The following PRIM2 variants were observed in gnomAD, a reference collection of about 807,000 sequenced individuals.
The protein encoded by PRIM2 is DNA primase large subunit.
In PRIM2, 39 loss-of-function variants were observed where a neutral mutation model predicts 67.3. The ratio of observed to expected loss-of-function variants is 0.58; its 90% CI spans 0.45 to 0.76. PRIM2 has a LOEUF of 0.76. Ranked by LOEUF, PRIM2 falls within the 30% of genes least tolerant of loss-of-function variation. The pLI is 0.00. For synonymous variants in PRIM2, 143 were observed against 198.7 expected, an observed-to-expected ratio of 0.72 and a Z score of 2.36; for missense variants, 398 against 598.7, an observed-to-expected ratio of 0.66 and a Z score of 3.50.
At chr6:57,582,944 C>G (rs1393946942) in intron 10 of PRIM2, among the ~76,000 whole-genome samples, 1 of 88,394 alleles carries the variant, frequency 1.1e-5, no homozygotes, top group Non-Finnish European at 2.2e-5. Context: ...CCCCTCCCCC[C>G]ACCCCACAAC....
chr6:57,625,673 T>G (rs1776938103), intron 12 of PRIM2, among the ~76,000 whole-genome samples: 1 of 152,178 alleles, frequency 6.6e-6, no homozygotes, highest in African/African-American at 2.4e-5. Context: ...GATGAAGGCT[T>G]CAAAAATGGA....
At position 57,646,619 on chromosome 6, in the gene PRIM2, CTT is replaced by C. The variant is rs1777339867; in HGVS notation, c.*463_*464del. 1 of 152,616 alleles carries C rather than the reference CTT, an allele frequency of 6.6e-6. No individual in the cohort carries two copies. Among genetic ancestry groups the C allele is most frequent in the Non-Finnish European group, 1.5e-5 (1 of 68,566 alleles). The allele number at this position is 152,616 out of a possible 1,614,324, so 9.5% of individuals were successfully genotyped here. On this transcript the variant is annotated 3_prime_UTR_variant, in exon 14 of 14. Transcript: ENST00000615550. ...AGGAGGTTTGAGGTAACAACAGAGA[CTT>C]TCACTATATTTTGCTTTGACAGAAG...
At chr6:57,340,762 C>T (rs894079593) in intron 5 of PRIM2, among the ~76,000 whole-genome samples, 3 of 152,056 alleles carry the variant, frequency 2.0e-5, no homozygotes, top group Non-Finnish European at 2.9e-5. Flanking sequence ...TGCTAAATGA[C>T]GAGTTAGTGG....
intron 7 of PRIM2, among the ~76,000 whole-genome samples, chr6:57,440,461 T>A (rs1233195184): frequency 2.0e-5 from 3 of 152,176 alleles, no homozygotes; most frequent in Non-Finnish European, 4.4e-5. Flanking sequence ...AAGAGAGACA[T>A]ATATTAAAAA....
the PRIM2 span, among the ~76,000 whole-genome samples, chr6:57,231,469 C>A: frequency 1.3e-5 from 2 of 152,214 alleles, no homozygotes; most frequent in East Asian, 3.9e-4. Context: ...GGCTAAATTT[C>A]TTTAATATAC....
intron 10 of PRIM2, among the ~76,000 whole-genome samples, chr6:57,588,774 T>C (rs1776238158): frequency 6.6e-6 from 1 of 152,202 alleles, no homozygotes; most frequent in African/African-American, 2.4e-5. Context: ...CGTGTATACA[T>C]TTTGTTAATT....
intron 12 of PRIM2, among the ~76,000 whole-genome samples, chr6:57,612,128 A>G (rs1776677412): frequency 6.6e-6 from 1 of 152,242 alleles, no homozygotes; most frequent in Non-Finnish European, 1.5e-5. Flanking sequence ...GTCTCATACA[A>G]TAGTGGAGGA....
chr6:57,538,954 G>C (rs1258773756), intron 10 of PRIM2, among the ~76,000 whole-genome samples: 4 of 152,114 alleles, frequency 2.6e-5, no homozygotes, highest in Non-Finnish European at 4.4e-5. Flanking sequence ...TTGGAGTTAG[G>C]GGTTCAACAA....
rs1305959425 is a variant in PRIM2 at position 57,578,430 on chromosome 6, C to T, written c.1021-22663C>T. Among the ~76,000 whole-genome samples the T allele has an allele frequency of 3.9e-3, 593 of 152,230 alleles. 3 individuals carry two copies. The highest frequency in any genetic ancestry group is 0.013 in the African/African-American group (558 of 41,552). On this transcript the variant is annotated intron_variant, in intron 10 of 13. Transcript: ENST00000615550. ...GCTCTAAAGGTTATTTTCTATTTCC[C>T]CTATTCCATCTACATTTATTATTGG...
chr6:57,502,965 T>G, intron 7 of PRIM2, among the ~76,000 whole-genome samples: 1 of 152,142 alleles, frequency 6.6e-6, no homozygotes, highest in South Asian at 2.1e-4. Flanking sequence ...GTATGACTCC[T>G]CTCCTTGATA....
In PRIM2 at chr6:57,511,801, T is replaced by A. The variant is rs1774374633; in HGVS notation, c.761+4347T>A. On this transcript the variant is annotated intron_variant, in intron 8 of 13. Transcript: ENST00000615550. ...TGCTTAGATGGTAATTTCAGTAGTTTCAGACATTTTAAGCTTGAGATACCT... is the reference window on the plus strand; with the variant it reads ...TGCTTAGATGGTAATTTCAGTAGTTACAGACATTTTAAGCTTGAGATACCT... 2.0e-5 allele frequency among the ~76,000 whole-genome samples: 3 copies of A among 152,300 alleles called. No individual in the cohort carries two copies. The South Asian group carries it at 6.2e-4, about 32-fold the overall frequency.
At chr6:57,547,588 A>T (rs1775314173) in intron 10 of PRIM2, among the ~76,000 whole-genome samples, 2 of 152,202 alleles carry the variant, frequency 1.3e-5, no homozygotes, top group Non-Finnish European at 2.9e-5. Flanking sequence ...ATTGAACTGG[A>T]TAATTCTTCT....
chr6:57,385,798 G>C (rs1770125656), intron 7 of PRIM2, among the ~76,000 whole-genome samples: 1 of 152,180 alleles, frequency 6.6e-6, no homozygotes, highest in African/African-American at 2.4e-5. Flanking sequence ...GACATTTCAA[G>C]TAGTACTGTA....
upstream of PRIM2, among the ~76,000 whole-genome samples, chr6:57,316,378 C>T (rs936372141): frequency 6.6e-6 from 1 of 152,178 alleles, no homozygotes. Flanking sequence ...CTCCACTGCA[C>T]TCCAGCCTGG....
At chr6:57,407,266 A>G (rs1277183890) in intron 7 of PRIM2, among the ~76,000 whole-genome samples, 7 of 152,106 alleles carry the variant, frequency 4.6e-5, no homozygotes, top group African/African-American at 1.7e-4. Context: ...ATTTGCATTT[A>G]TAATCTTTTC....
At chr6:57,379,561 A>G (rs1420595428) in intron 5 of PRIM2, among the ~76,000 whole-genome samples, 3 of 152,190 alleles carry the variant, frequency 2.0e-5, no homozygotes, top group African/African-American at 7.2e-5. Context: ...TCAAATTAGG[A>G]TAATGCTCAT....
intron 9 of PRIM2, among the ~76,000 whole-genome samples, chr6:57,535,214 T>C (rs1774979888): frequency 6.6e-6 from 1 of 152,080 alleles, no homozygotes; most frequent in Non-Finnish European, 1.5e-5. Flanking sequence ...GGCATGTGCA[T>C]GAGAAGGGTG....
intron 6 of PRIM2, among the ~76,000 whole-genome samples, chr6:57,380,319 G>T (rs1769915082): frequency 6.6e-6 from 1 of 152,102 alleles, no homozygotes. Context: ...TCACCCATTT[G>T]GCCCAACACT....
Position 57,613,441 on chromosome 6 carries a change from A to G in PRIM2, c.1230+6984A>G, listed in dbSNP as rs1471804168. On this transcript the variant is annotated intron_variant, in intron 12 of 13. Coordinates refer to ENST00000615550, the MANE Select transcript of PRIM2 (RefSeq NM_000947.5). ...TTAATGAAGTTTAAGTTAAATGGTC[A>G]TGTGCCTAATGGATAGATGGTAATA... Among the ~76,000 whole-genome samples the G allele has an allele frequency of 1.6e-3, 251 of 152,338 alleles. 1 individual carries two copies. Among genetic ancestry groups the G allele is most frequent in the African/African-American group, 5.7e-3 (237 of 41,576 alleles).
Sources: gnomAD v4.1 joint callset for allele counts (sites outside exome capture counted in the v4.1 genomes callset) on GRCh38, gnomAD v4.1.1 for gene constraint, MANE v1.5 for transcripts, NCBI Gene and HGNC (gene_info 2026-07-23, HGNC 2026-07-21) for gene names.